Variants in SENP5 observed in about 807,000 individuals in gnomAD.
SENP5 encodes sentrin-specific protease 5.
Under a neutral mutation model 74.2 loss-of-function variants are expected in SENP5, and 21 were observed. The ratio of observed to expected loss-of-function variants is 0.28; its 90% confidence interval spans 0.20 to 0.41. The LOEUF (loss-of-function observed/expected upper bound fraction) is 0.41, where lower values mean the gene tolerates loss of function less well. SENP5 is among the 10% of genes least tolerant of loss of function. The pLI is 1.00. For missense variants in SENP5, 717 were observed against 889.1 expected (o/e 0.81, Z 2.46); for synonymous variants, 311 against 312.7 (o/e 0.99, Z 0.06).
chr3:196,872,003 G>A (rs1030807969), intron 1 of SENP5, among the ~76,000 whole-genome samples: 1 of 152,156 alleles, frequency 6.6e-6, no homozygotes, highest in Non-Finnish European at 1.5e-5. Flanking sequence ...GCCCGCCTTG[G>A]CCTCCCAAAG....
rs185561824 is a variant in SENP5 at position 196,923,000 on chromosome 3, G to A, written c.1885-414G>A. Among the ~76,000 whole-genome samples, 5 of 152,118 alleles carry A rather than the reference G, an allele frequency of 3.3e-5. No individual in the cohort carries two copies. The East Asian group carries it at 7.7e-4, about 24-fold the overall frequency. On this transcript the variant is annotated intron_variant, in intron 6 of 9. Coordinates refer to ENST00000323460, the MANE Select transcript of SENP5 (RefSeq NM_152699.5). ...ACTCCTGGGCTCAAGCAGTTTTTCC[G>A]CCTCAGCCTCCCAATGTACTGGGAT...
At chr3:196,894,913 A>G (rs1714376263) in intron 2 of SENP5, among the ~76,000 whole-genome samples, 2 of 152,314 alleles carry the variant, frequency 1.3e-5, no homozygotes, top group South Asian at 4.1e-4. Context: ...TTTCATTGCA[A>G]AAGACTTCCT....
In SENP5 at chr3:196,931,778, A is replaced by AT. The variant is rs1020798887; in HGVS notation, c.*860dup. Reference sequence around the variant, plus strand: ...TGAGAATGCAGCTGTTCTCAGAGTAATTTTTAAGTTGTCATTTCCCTGTGT... The same window carrying AT: ...TGAGAATGCAGCTGTTCTCAGAGTAATTTTTTAAGTTGTCATTTCCCTGTGT... On this transcript the variant is annotated 3_prime_UTR_variant, in exon 10 of 10. Transcript: ENST00000323460. 3.0e-4 allele frequency: 96 copies of AT among 322,880 alleles called. No individual in the cohort carries two copies. Among genetic ancestry groups the AT allele is most frequent in the African/African-American group, 2.1e-3 (92 of 44,574 alleles). The allele number at this position is 322,880 out of a possible 1,614,324, so 20.0% of individuals were successfully genotyped here.
intron 7 of SENP5, 61 bp downstream of exon 7, chr3:196,923,612 C>T (rs1211973601): frequency 4.3e-6 from 5 of 1,167,140 alleles, no homozygotes; most frequent in Non-Finnish European, 6.2e-6. Flanking sequence ...AGCATCTTAG[C>T]TCTAGATAGA....
intron 1 of SENP5, among the ~76,000 whole-genome samples, chr3:196,872,699 C>G (rs1046625617): frequency 2.6e-5 from 4 of 152,184 alleles, no homozygotes; most frequent in Non-Finnish European, 5.9e-5. Context: ...ATGTAGCAGC[C>G]TAAATCTAAA....
rs904172866 is a variant in SENP5, at chr3:196,887,343, CT to C, written c.1513+650del. ...TACAGGCACCCGCCACCATGCCTGG[CT>C]AATTTTTGTATTTTTAGTAGAGATG... On this transcript the variant is annotated intron_variant, in intron 2 of 9. Coordinates refer to ENST00000323460, the MANE Select transcript of SENP5 (RefSeq NM_152699.5). 6.6e-5 allele frequency among the ~76,000 whole-genome samples: 10 copies of C among 152,050 alleles called. 1 individual carries two copies. Among genetic ancestry groups the C allele is most frequent in the African/African-American group, 2.4e-4 (10 of 41,392 alleles).
chr3:196,928,243 TGA>T (rs991820331), intron 8 of SENP5, among the ~76,000 whole-genome samples: 21 of 152,174 alleles, frequency 1.4e-4, no homozygotes, highest in African/African-American at 5.1e-4. Context: ...TTGGATCCAC[TGA>T]GGGGGAGAAA....
At position 196,899,992 on chromosome 3, in the gene SENP5, T is replaced by G. The variant is rs1417093028; in HGVS notation, c.1688T>G (p.Phe563Cys). 1 of 1,614,154 alleles carries G rather than the reference T, an allele frequency of 6.2e-7. No individual in the cohort carries two copies. The highest frequency in any genetic ancestry group is 1.1e-5 in the South Asian group (1 of 91,082). Residue 563 changes from phenylalanine (F) to cysteine (C), a missense_variant, in exon 4 of 10, where the codon TTC becomes TGC. By Grantham distance (205) the Phe-to-Cys change is radical. This residue lies in a region of SENP5 where 64 missense variants were observed against 100.8 expected (regional missense o/e 0.64). Coordinates refer to ENST00000323460, the MANE Select transcript of SENP5 (RefSeq NM_152699.5). Reference sequence around the variant, plus strand: ...CATCAAAAATGTAACTTCCGTATCTTCTATAATAAACACATGCTGGATATG... The same window carrying G: ...CATCAAAAATGTAACTTCCGTATCTGCTATAATAAACACATGCTGGATATG... ...ARHQKCNFRI[F>C]YNKHMLDMDD... is the part of the protein sequence containing the mutation.
At position 196,930,998 on chromosome 3, in the gene SENP5, T is replaced by A; in HGVS notation, c.*75T>A. 2 of 922,644 alleles carry A rather than the reference T, an allele frequency of 2.2e-6. No individual in the cohort carries two copies. The highest frequency in any genetic ancestry group is 2.7e-5 in the South Asian group (2 of 73,522). 57.2% of individuals were successfully genotyped at this position (922,644 alleles called of 1,614,324 possible). A position where few individuals can be genotyped will look rare whatever the true frequency, so the allele number is the denominator to read the frequency against. On this transcript the variant is annotated 3_prime_UTR_variant, in exon 10 of 10. Coordinates refer to ENST00000323460, the MANE Select transcript of SENP5 (RefSeq NM_152699.5). ...GTTACTTGAATCTCCAAACACTTAG[T>A]TGAATTTTTACAGATATTTCAGATC... is the stretch of plus-strand genomic sequence containing the variant.
intron 2 of SENP5, among the ~76,000 whole-genome samples, chr3:196,899,388 G>T (rs1714600240): frequency 8.9e-6 from 1 of 112,966 alleles, no homozygotes; most frequent in Non-Finnish European, 2.0e-5. Context: ...TTTCCTTCTA[G>T]CTATCCATTC....
In SENP5 at chr3:196,930,006, AC is replaced by A. The variant is rs1392568616; in HGVS notation, c.2157+324del. Among the ~76,000 whole-genome samples, 378 of 149,922 alleles carry A rather than the reference AC, an allele frequency of 2.5e-3. 4 individuals carry two copies. The highest frequency in any genetic ancestry group is 8.4e-3 in the African/African-American group (343 of 40,900). On this transcript the variant is annotated intron_variant, in intron 9 of 9. Transcript: ENST00000323460. Reference sequence around the variant, plus strand: ...TTTGCATAAAAAAAAAAAAAAAAAAACATTGGCAAGCAATCTGCAGGTCTTT... The same window carrying A: ...TTTGCATAAAAAAAAAAAAAAAAAAAATTGGCAAGCAATCTGCAGGTCTTT...
At chr3:196,883,300 A>G (rs950004424) in intron 1 of SENP5, among the ~76,000 whole-genome samples, 1 of 152,076 alleles carries the variant, frequency 6.6e-6, no homozygotes, top group Non-Finnish European at 1.5e-5. Flanking sequence ...ACATCCCCAA[A>G]TATCACTATC....
At chr3:196,876,575 A>G (rs1056565732) in intron 1 of SENP5, among the ~76,000 whole-genome samples, 1 of 151,630 alleles carries the variant, frequency 6.6e-6, no homozygotes, top group Admixed American at 6.6e-5. Flanking sequence ...CCTAATTGAC[A>G]TCTAAGAAAT....
At chr3:196,883,459 A>G (rs1267039414) in intron 1 of SENP5, among the ~76,000 whole-genome samples, 1 of 152,136 alleles carries the variant, frequency 6.6e-6, no homozygotes, top group Non-Finnish European at 1.5e-5. Context: ...TCCTCCTGGT[A>G]TACCCCTGTG....
chr3:196,917,682 C>T (rs551892866), intron 6 of SENP5, among the ~76,000 whole-genome samples: 1 of 152,198 alleles, frequency 6.6e-6, no homozygotes, highest in South Asian at 2.1e-4. Flanking sequence ...AGGAAAAAAA[C>T]GTTTATCCTA....
At chr3:196,909,127 T>C (rs952542140) in intron 6 of SENP5, among the ~76,000 whole-genome samples, 2 of 152,094 alleles carry the variant, frequency 1.3e-5, no homozygotes, top group Non-Finnish European at 2.9e-5. Flanking sequence ...GAGAATACTA[T>C]AAAGACCTCT....
chr3:196,900,652 C>T (rs1009965367), intron 5 of SENP5, among the ~76,000 whole-genome samples: 1 of 152,128 alleles, frequency 6.6e-6, no homozygotes, highest in Non-Finnish European at 1.5e-5. Context: ...GTGGCGTGAT[C>T]TCGGCTCATT....
Position 196,931,249 on chromosome 3 carries a change from A to C in SENP5, c.*326A>C, listed in dbSNP as rs1369071012. 4.9e-6 allele frequency: 1 copy of C among 204,346 alleles called. No individual in the cohort carries two copies. Among genetic ancestry groups the C allele is most frequent in the Non-Finnish European group, 9.9e-6 (1 of 100,980 alleles). The allele number at this position is 204,346 out of a possible 1,614,324, so 12.7% of individuals were successfully genotyped here. A position where few individuals can be genotyped will look rare whatever the true frequency, so the allele number is the denominator to read the frequency against. ...CTTAGTAGATTTGGTGCAGCTTTTG[A>C]AACTTAGTTAGACGTGAACTGAATA... On this transcript the variant is annotated 3_prime_UTR_variant, in exon 10 of 10. Coordinates refer to ENST00000323460, the MANE Select transcript of SENP5 (RefSeq NM_152699.5).
intron 2 of SENP5, among the ~76,000 whole-genome samples, chr3:196,891,577 G>A (rs984662773): frequency 2.0e-5 from 3 of 152,088 alleles, no homozygotes; most frequent in Non-Finnish European, 4.4e-5. Flanking sequence ...ACCAGCCTGG[G>A]CAACATAGCG....
Sources: gnomAD v4.1 joint callset for allele counts (sites outside exome capture counted in the v4.1 genomes callset) on GRCh38, gnomAD v4.1.1 for gene constraint, gnomAD v4.1.1 regional missense constraint, MANE v1.5 for transcripts, NCBI Gene and HGNC (gene_info 2026-07-23, HGNC 2026-07-21) for gene names.